TRPM3: variants seen among roughly 807,000 people sequenced by gnomAD.
The protein encoded by TRPM3 is transient receptor potential cation channel subfamily M member 3, also known as long transient receptor potential channel 3.
TRPM3 carries 77 observed loss-of-function variants against 181.2 expected under a neutral mutation model. The observed-to-expected ratio is 0.42, with a 90% CI of 0.35 to 0.51. The LOEUF is 0.51. TRPM3 is among the 20% of genes least tolerant of loss of function. TRPM3 has a pLI of 0.01. For missense variants in TRPM3, 1,759 were observed against 2,196.7 expected (o/e 0.80, Z 3.98); for synonymous variants, 745 against 796.4 (o/e 0.94, Z 1.09).
At chr9:71,368,758 T>G (rs895391014) in intron 1 of TRPM3, among the ~76,000 whole-genome samples, 1 of 152,246 alleles carries the variant, frequency 6.6e-6, no homozygotes, top group African/African-American at 2.4e-5. Flanking sequence ...CTTTATGATC[T>G]ATAACAAAAC....
chr9:70,694,569 C>T (rs906161904), intron 8 of TRPM3, among the ~76,000 whole-genome samples: 2 of 152,192 alleles, frequency 1.3e-5, no homozygotes, highest in Admixed American at 1.3e-4. Context: ...CAAGCTCCGC[C>T]TCCTGGGTTC....
intron 3 of TRPM3, among the ~76,000 whole-genome samples, chr9:70,859,648 A>G (rs1051623721): frequency 6.6e-6 from 1 of 152,222 alleles, no homozygotes; most frequent in African/African-American, 2.4e-5. Context: ...AAGGATACAC[A>G]TTTTAATAAA....
chr9:71,146,619 T>A (rs2075421395), intron 1 of TRPM3, among the ~76,000 whole-genome samples: 1 of 152,094 alleles, frequency 6.6e-6, no homozygotes. Context: ...ATCCTTCTTC[T>A]CCATTCTTCT....
chr9:70,872,241 T>C (rs2095800978), intron 1 of TRPM3, among the ~76,000 whole-genome samples: 2 of 151,878 alleles, frequency 1.3e-5, no homozygotes, highest in Non-Finnish European at 2.9e-5. Context: ...TTTGTTCCAA[T>C]AAAACAGGTA....
At chr9:71,177,362 T>A (rs1014529528) in intron 1 of TRPM3, among the ~76,000 whole-genome samples, 3 of 152,100 alleles carry the variant, frequency 2.0e-5, no homozygotes, top group Non-Finnish European at 4.4e-5. Context: ...CCTGCCCCCC[T>A]ACCCCTGGTC....
At chr9:71,063,790 A>T (rs1210208954) in intron 1 of TRPM3, among the ~76,000 whole-genome samples, 2 of 152,118 alleles carry the variant, frequency 1.3e-5, no homozygotes, top group Non-Finnish European at 2.9e-5. Context: ...GCTGATAAAG[A>T]AACACCGCCA....
intron 1 of TRPM3, among the ~76,000 whole-genome samples, chr9:71,414,327 A>G (rs1006819699): frequency 3.3e-5 from 5 of 152,110 alleles, no homozygotes; most frequent in South Asian, 2.1e-4. Flanking sequence ...CATCATAACA[A>G]TAATAGGTTG....
intron 1 of TRPM3, among the ~76,000 whole-genome samples, chr9:71,334,359 G>A (rs1201889520): frequency 6.6e-6 from 1 of 151,682 alleles, no homozygotes; most frequent in African/African-American, 2.4e-5. Context: ...AGACTATACT[G>A]TGGTTAACAT....
chr9:71,115,169 G>T (rs1205360273), intron 1 of TRPM3, among the ~76,000 whole-genome samples: 5 of 152,044 alleles, frequency 3.3e-5, no homozygotes, highest in Non-Finnish European at 7.4e-5. Flanking sequence ...AGCATCAGAG[G>T]GGCCGCTGAA....
At chr9:71,190,796 C>G (rs919490459) in intron 1 of TRPM3, among the ~76,000 whole-genome samples, 6 of 151,818 alleles carry the variant, frequency 4.0e-5, no homozygotes, top group Non-Finnish European at 8.8e-5. Context: ...CATAACCACT[C>G]TGATCATTAT....
At chr9:71,306,217 A>G (rs1027249292) in intron 1 of TRPM3, among the ~76,000 whole-genome samples, 6 of 152,308 alleles carry the variant, frequency 3.9e-5, no homozygotes, top group African/African-American at 1.4e-4. Context: ...CATTTTGGCT[A>G]TTGAGATAAA....
At chr9:70,549,447 A>C (rs1012677438) in intron 25 of TRPM3, 95 bp downstream of exon 25, 1 of 1,432,600 alleles carries the variant, frequency 7.0e-7, no homozygotes, top group African/African-American at 1.4e-5. Context: ...ACAAACACAA[A>C]AGATCTCTGT....
intron 8 of TRPM3, among the ~76,000 whole-genome samples, chr9:70,700,107 C>T (rs7872719): frequency 0.012 from 1,755 of 152,188 alleles, 13 homozygotes; most frequent in African/African-American, 0.023. Flanking sequence ...CTCAGACACC[C>T]GAGTAGCTTA....
intron 1 of TRPM3, among the ~76,000 whole-genome samples, chr9:71,212,014 G>A (rs998497390): frequency 1.3e-5 from 2 of 152,152 alleles, no homozygotes; most frequent in Non-Finnish European, 2.9e-5. Context: ...CAAGATGTTG[G>A]GGTAGGGTGG....
At chr9:70,740,582 C>T (rs931957205) in intron 8 of TRPM3, among the ~76,000 whole-genome samples, 1 of 152,130 alleles carries the variant, frequency 6.6e-6, no homozygotes, top group Non-Finnish European at 1.5e-5. Context: ...TCAAACTATA[C>T]TCTAATGCCA....
intron 1 of TRPM3, among the ~76,000 whole-genome samples, chr9:71,277,304 T>C (rs2084291309): frequency 6.6e-6 from 1 of 152,188 alleles, no homozygotes; most frequent in Non-Finnish European, 1.5e-5. Context: ...GAATAGTAAA[T>C]GTATTTGTTT....
chr9:70,620,094 T>C lies in TRPM3; in HGVS notation c.2111A>G (p.Glu704Gly), dbSNP rs1452664181. ...ENDMVDDISQ[E>G]LNHNSRDFGQ... ...GACCCACCTGGAATTGTGATTCAGC[T>C]CCTGGGAAATGTCGTCAACCATGTC... The change falls in exon 16 of 26, where the codon GAG becomes GGG. Residue 704 changes from glutamate to glycine, a missense_variant. By Grantham distance (98) the Glu-to-Gly change is moderately conservative. This residue lies in a region of TRPM3 where 737 missense variants were observed against 957.4 expected (regional missense o/e 0.77). Coordinates refer to ENST00000677713, the MANE Select transcript of TRPM3 (RefSeq NM_001366145.2). 1.9e-6 allele frequency: 3 copies of C among 1,606,344 alleles called. No homozygotes were observed. Among genetic ancestry groups the C allele is most frequent in the Non-Finnish European group, 2.6e-6 (3 of 1,173,846 alleles).
At chr9:71,331,376 T>C (rs1363048678) in intron 1 of TRPM3, among the ~76,000 whole-genome samples, 1 of 151,896 alleles carries the variant, frequency 6.6e-6, no homozygotes, top group Non-Finnish European at 1.5e-5. Flanking sequence ...TTCATGTTTA[T>C]CTAAGTTATA....
intron 6 of TRPM3, among the ~76,000 whole-genome samples, chr9:70,817,121 CT>C (rs1334866329): frequency 6.6e-6 from 1 of 152,198 alleles, no homozygotes; most frequent in Non-Finnish European, 1.5e-5. Flanking sequence ...TCTTCCTTTC[CT>C]TCATACTGAT....
Sources: gnomAD v4.1 joint callset for allele counts (sites outside exome capture counted in the v4.1 genomes callset) on GRCh38, gnomAD v4.1.1 for gene constraint, gnomAD v4.1.1 regional missense constraint, MANE v1.5 for transcripts, NCBI Gene and HGNC (gene_info 2026-07-23, HGNC 2026-07-21) for gene names.